ATP2B4: variants seen among roughly 807,000 people sequenced by gnomAD.
The protein encoded by ATP2B4 is ATPase plasma membrane Ca2+ transporting 4.
In ATP2B4, 39 loss-of-function variants were observed where a neutral mutation model predicts 110.3. The observed-to-expected ratio is 0.35, with a 90% CI of 0.27 to 0.46. The LOEUF (loss-of-function observed/expected upper bound fraction) is 0.46. ATP2B4 is among the 20% of genes least tolerant of loss of function. The pLI, the probability that ATP2B4 is intolerant of heterozygous loss-of-function variation, is 1.00. For synonymous variants in ATP2B4, 538 were observed against 571.7 expected (o/e 0.94, Z 0.84); for missense variants, 1,135 against 1,530.9 (o/e 0.74, Z 4.32).
At chr1:203,734,441 G>T (rs1406127850) in intron 20 of ATP2B4, among the ~76,000 whole-genome samples, 2 of 152,184 alleles carry the variant, frequency 1.3e-5, no homozygotes, top group Non-Finnish European at 2.9e-5. Flanking sequence ...GGGTGCTGTG[G>T]CTCACACCTG....
In ATP2B4 at chr1:203,657,256, G is replaced by A. The variant is rs182594106; in HGVS notation, c.-464-25486G>A. On this transcript the variant is annotated intron_variant, in intron 1 of 20. Coordinates refer to ENST00000357681, the MANE Select transcript of ATP2B4 (RefSeq NM_001684.5). Reference sequence around the variant, plus strand: ...CTGATCAGTCTTTCTTATTTAGGTGGTTTTCTTGTAAAGCCATCTCCGACA... The same window carrying A: ...CTGATCAGTCTTTCTTATTTAGGTGATTTTCTTGTAAAGCCATCTCCGACA... 5 of 714,568 alleles carry A rather than the reference G, an allele frequency of 7.0e-6. No homozygotes were observed. In the East Asian group the frequency reaches 7.4e-5, roughly 11 times the overall value. 44.3% of individuals were successfully genotyped at this position (714,568 alleles called of 1,614,324 possible).
In ATP2B4 at chr1:203,638,152, G is replaced by C. The variant is rs113252272; in HGVS notation, c.-465+10933G>C. Among the ~76,000 whole-genome samples, 829 of 152,276 alleles carry C rather than the reference G, an allele frequency of 5.4e-3. 7 individuals carry two copies. The highest frequency in any genetic ancestry group is 0.019 in the African/African-American group (798 of 41,560). On this transcript the variant is annotated intron_variant, in intron 1 of 20. Coordinates refer to ENST00000357681, the MANE Select transcript of ATP2B4 (RefSeq NM_001684.5). ...AGGGGAGATGGGGAGGAAGGGGTGTGCTGCTACCACCCGACTGAGGACACT... is the reference window on the plus strand; with the variant it reads ...AGGGGAGATGGGGAGGAAGGGGTGTCCTGCTACCACCCGACTGAGGACACT...
intron 20 of ATP2B4, among the ~76,000 whole-genome samples, chr1:203,729,282 C>A (rs1431555715): frequency 6.6e-6 from 1 of 151,942 alleles, no homozygotes; most frequent in East Asian, 1.9e-4. Flanking sequence ...TGCGGTGGCT[C>A]ACGCCTGTAA....
chr1:203,659,719 A>G (rs570471999), intron 1 of ATP2B4, among the ~76,000 whole-genome samples: 1 of 152,272 alleles, frequency 6.6e-6, no homozygotes, highest in African/African-American at 2.4e-5. Context: ...AGTTCTAGCT[A>G]CTGGGGAGGC....
At position 203,700,260 on chromosome 1, in the gene ATP2B4, A is replaced by C. The variant is rs1416967720; in HGVS notation, c.704A>C (p.Asp235Ala). 6.2e-7 allele frequency: 1 copy of C among 1,614,018 alleles called. No homozygotes were observed. The highest frequency in any genetic ancestry group is 2.2e-5 in the East Asian group (1 of 44,878). The stretch of plus-strand genomic sequence containing the variant: ...ATCCAAGGGAATGATCTGAAGATTG[A>C]TGAGAGCTCTCTGACAGGGGAATCT... The part of the protein sequence containing the change: ...ILIQGNDLKI[D>A]ESSLTGESDH... The change falls in exon 5 of 21, where the codon GAT becomes GCT. Residue 235 changes from aspartate (D) to alanine (A), a missense_variant. This residue lies in a region of ATP2B4 where 101 missense variants were observed against 182.6 expected (regional missense o/e 0.55). Coordinates refer to ENST00000357681, the MANE Select transcript of ATP2B4 (RefSeq NM_001684.5).
At chr1:203,679,235 G>A (rs886191766) in intron 1 of ATP2B4, among the ~76,000 whole-genome samples, 1 of 152,128 alleles carries the variant, frequency 6.6e-6, no homozygotes, top group Admixed American at 6.5e-5. Flanking sequence ...TTTGGCAGTT[G>A]CCTAATCAGA....
Position 203,643,599 on chromosome 1 carries a change from A to C in ATP2B4, c.-465+16380A>C, listed in dbSNP as rs117100699. Among the ~76,000 whole-genome samples, 441 of 152,298 alleles carry C rather than the reference A, an allele frequency of 2.9e-3. 5 individuals carry two copies. The East Asian group carries it at 0.043, about 15-fold the overall frequency. ...TCCTGGCTGGAAGGGGCTTGGCATT[A>C]AGTGCAGTTCTTGCTCCTGCTTCCT... On this transcript the variant is annotated intron_variant, in intron 1 of 20. Coordinates refer to ENST00000357681, the MANE Select transcript of ATP2B4 (RefSeq NM_001684.5).
At chr1:203,681,659 G>A (rs183762406) in intron 1 of ATP2B4, among the ~76,000 whole-genome samples, 48 of 152,196 alleles carry the variant, frequency 3.2e-4, no homozygotes, top group Non-Finnish European at 6.0e-4. Flanking sequence ...CCTCCGTTTT[G>A]TCACCTACAC....
chr1:203,675,447 G>A (rs1664800333), intron 1 of ATP2B4, among the ~76,000 whole-genome samples: 1 of 152,096 alleles, frequency 6.6e-6, no homozygotes, highest in Non-Finnish European at 1.5e-5. Flanking sequence ...GAACATCCTT[G>A]CACATGCCCC....
At position 203,683,200 on chromosome 1, in the gene ATP2B4, G is replaced by A. The variant is rs373387195; in HGVS notation, c.-6G>A. ...CTGGTTGAGGGGCTTGGTAACAGCA[G>A]GCAAAATGACGAACCCATCAGACCG... On this transcript the variant is annotated 5_prime_UTR_variant, in exon 2 of 21. Transcript: ENST00000357681. 6.9e-5 allele frequency: 111 copies of A among 1,612,366 alleles called. No individual in the cohort carries two copies. The African/African-American group carries it at 1.3e-3, about 18-fold the overall frequency.
chr1:203,704,826 G>C (rs1158848319), intron 8 of ATP2B4, among the ~76,000 whole-genome samples: 1 of 152,034 alleles, frequency 6.6e-6, no homozygotes, highest in Non-Finnish European at 1.5e-5. Context: ...CCACCTTTCT[G>C]TTTACCACAA....
At position 203,700,923 on chromosome 1, in the gene ATP2B4, G is replaced by T. The variant is rs772384631; in HGVS notation, c.901G>T (p.Gly301Cys). 3.1e-6 allele frequency: 5 copies of T among 1,612,166 alleles called. No homozygotes were observed. Among genetic ancestry groups the T allele is most frequent in the Non-Finnish European group, 4.2e-6 (5 of 1,178,860 alleles). ...EDDEGEKKKK[G>C]KKQGVPENRN... Reference sequence around the variant, plus strand: ...TGACGAAGGGGAGAAAAAGAAGAAAGGTAAGGGGCATCTGGAATGAGATTC... The same window carrying T: ...TGACGAAGGGGAGAAAAAGAAGAAATGTAAGGGGCATCTGGAATGAGATTC... Residue 301 changes from glycine to cysteine, a missense_variant and splice_region_variant, in exon 6 of 21, where the codon GGT becomes TGT. Gly to Cys is a radical substitution (Grantham distance 159). Transcript: ENST00000357681.
chr1:203,661,116 A>G (rs1664326313), intron 1 of ATP2B4, among the ~76,000 whole-genome samples: 1 of 152,152 alleles, frequency 6.6e-6, no homozygotes, highest in Admixed American at 6.5e-5. Context: ...GTCTAAAAAA[A>G]AAAAAAACTT....
At chr1:203,643,850 C>T (rs1663708558) in intron 1 of ATP2B4, among the ~76,000 whole-genome samples, 2 of 152,182 alleles carry the variant, frequency 1.3e-5, no homozygotes, top group African/African-American at 2.4e-5. Context: ...TCACTGAGCC[C>T]ACTCATCAGC....
At chr1:203,687,298 GAAAA>G (rs1253093596) in intron 2 of ATP2B4, among the ~76,000 whole-genome samples, 1 of 151,396 alleles carries the variant, frequency 6.6e-6, no homozygotes, top group African/African-American at 2.4e-5. Flanking sequence ...AAGAAAGAAA[GAAAA>G]AAAAGAAAAG....
rs185298837 is a variant in ATP2B4, at chr1:203,629,712, C to T, written c.-465+2493C>T. On this transcript the variant is annotated intron_variant, in intron 1 of 20. Coordinates refer to ENST00000357681, the MANE Select transcript of ATP2B4 (RefSeq NM_001684.5). This position sits in a 1 kb window ranked among gnomAD's most constrained non-coding sequence, Gnocchi z 4.6. ...CTGAGAACTCCGTGGAGAATGCGAA[C>T]CGAGCGGCGAACGGAGGCTTCCTGC... Among the ~76,000 whole-genome samples the T allele has an allele frequency of 2.0e-5, 3 of 152,304 alleles. No individual in the cohort carries two copies. The highest frequency in any genetic ancestry group is 2.0e-4 in the Admixed American group (3 of 15,304).
At chr1:203,686,685 C>CTTTTGTTTTTTTTTTTTT (rs1665194016) in intron 2 of ATP2B4, among the ~76,000 whole-genome samples, 11 of 42,784 alleles carry the variant, frequency 2.6e-4, no homozygotes, top group African/African-American at 1.1e-3. Flanking sequence ...TCTTTTCTTT[C>CTTTTGTTTTTTTTTTTTT]TTTTTTTTTT....
rs77198648 is a variant in ATP2B4 at position 203,657,838 on chromosome 1, C to T, written c.-464-24904C>T. The stretch of plus-strand genomic sequence containing the variant: ...CAATTTTAAGGTCTCAGAGACTCCA[C>T]GCAGGCCGGGACAGGAAAGGGTCAC... On this transcript the variant is annotated intron_variant, in intron 1 of 20. Transcript: ENST00000357681. The T allele has an allele frequency of 4.6e-3, 2,098 of 457,874 alleles. 43 individuals carry two copies. The highest frequency in any genetic ancestry group is 0.04 in the African/African-American group (1,932 of 48,846). The allele number at this position is 457,874 out of a possible 1,614,324, so 28.4% of individuals were successfully genotyped here. A position where few individuals can be genotyped will look rare whatever the true frequency, so the allele number is the denominator to read the frequency against.
Position 203,708,001 on chromosome 1 carries a change from T to C in ATP2B4, c.1454T>C (p.Ile485Thr). The part of the protein sequence containing the change: ...MTVVQAYIGG[I>T]HYRQIPSPDV... ...GTGGTACAAGCTTATATTGGGGGCA[T>C]CCATTACCGTCAAATCCCAAGCCCT... The change falls in exon 10 of 21, where the codon ATC becomes ACC. Residue 485 changes from isoleucine to threonine, a missense_variant. Ile to Thr is a moderately conservative substitution (Grantham distance 89). Transcript: ENST00000357681. 6.2e-7 allele frequency: 1 copy of C among 1,614,168 alleles called. No individual in the cohort carries two copies. The highest frequency in any genetic ancestry group is 8.5e-7 in the Non-Finnish European group (1 of 1,180,042).
Sources: allele counts gnomAD v4.1 joint callset (sites outside exome capture counted in the v4.1 genomes callset), GRCh38; gene constraint gnomAD v4.1.1; regional missense constraint gnomAD v4.1.1; non-coding constraint Gnocchi (gnomAD v3.1); transcripts MANE v1.5; gene names NCBI Gene and HGNC (gene_info 2026-07-23, HGNC 2026-07-21).